The following TMEM132C variants were observed in gnomAD, a reference collection of about 807,000 sequenced individuals.
TMEM132C encodes the protein transmembrane protein 132C.
A neutral mutation model predicts 61.4 loss-of-function variants in TMEM132C; 29 were observed. That is an observed-to-expected ratio of 0.47 (90% CI 0.35 to 0.64). The LOEUF (loss-of-function observed/expected upper bound fraction) is 0.64, where lower values mean the gene tolerates loss of function less well. Ranked by LOEUF, TMEM132C falls within the 30% of genes least tolerant of loss-of-function variation. The pLI, the probability that TMEM132C is intolerant of heterozygous loss-of-function variation, is 0.00. For missense variants in TMEM132C, 1,408 were observed against 1,476.9 expected, an observed-to-expected ratio of 0.95 and a Z score of 0.76; for synonymous variants, 656 against 633.1, an observed-to-expected ratio of 1.04 and a Z score of -0.54.
Position 128,614,740 on chromosome 12 carries a change from T to A in TMEM132C, c.1122-1412T>A, listed in dbSNP as rs371833941. ...AGAATTCTTAGTTGCAGACAAAGAG[T>A]CCCTTTAGCTAAGTAGCCCCTCTGA... On this transcript the variant is annotated intron_variant, in intron 3 of 8. Transcript: ENST00000435159. Among the ~76,000 whole-genome samples the A allele has an allele frequency of 7.2e-5, 11 of 151,942 alleles. No homozygotes were observed. The East Asian group carries it at 2.1e-3, about 30-fold the overall frequency.
rs7965630 is a variant in TMEM132C at position 128,278,329 on chromosome 12, G to A, written c.85+10842G>A. 6.6e-6 allele frequency among the ~76,000 whole-genome samples: 1 copy of A among 151,996 alleles called. No individual in the cohort carries two copies. The highest frequency in any genetic ancestry group is 6.5e-5 in the Admixed American group (1 of 15,274). ...GTTACCATTTTCTTTATTTTCCACT[G>A]TTTAATTGTAAGCAATGAATTGACT... On this transcript the variant is annotated intron_variant, in intron 1 of 8. Coordinates refer to ENST00000435159, the MANE Select transcript of TMEM132C (RefSeq NM_001136103.3). This position sits in a 1 kb window ranked among gnomAD's most constrained non-coding sequence, Gnocchi z 4.2.
intron 3 of TMEM132C, among the ~76,000 whole-genome samples, chr12:128,576,006 G>A (rs1346256641): frequency 3.3e-5 from 5 of 152,172 alleles, no homozygotes; most frequent in African/African-American, 7.2e-5. Flanking sequence ...AAAGTGAATG[G>A]CACTTTGGGA....
rs143549970 is a variant in TMEM132C, at chr12:128,586,330, A to G, written c.1122-29822A>G. 6.9e-3 allele frequency among the ~76,000 whole-genome samples: 919 copies of G among 133,610 alleles called. 7 individuals carry two copies. The highest frequency in any genetic ancestry group is 0.027 in the African/African-American group (872 of 31,796). The allele number at this position is 133,610 out of a possible 152,430, so 87.7% of individuals were successfully genotyped here. On this transcript the variant is annotated intron_variant, in intron 3 of 8. Transcript: ENST00000435159. ...CATTATATATTATTATAAATACATA[A>G]TATATGCTTGTATGTGACTTATAGT...
chr12:128,514,243 G>A lies in TMEM132C; in HGVS notation c.975-29714G>A, dbSNP rs567874598. ...AGTGGATAGTTCAAAAGAACTCAAA[G>A]CAGTAAGCTTGGAGGGAAACATGTT... On this transcript the variant is annotated intron_variant, in intron 2 of 8. Transcript: ENST00000435159. Among the ~76,000 whole-genome samples the A allele has an allele frequency of 8.5e-5, 13 of 152,308 alleles. No homozygotes were observed. The South Asian group carries it at 2.7e-3, about 32-fold the overall frequency.
At chr12:128,559,113 ACAAACACACACACAGACACACACAG>A (rs1874425908) in intron 3 of TMEM132C, among the ~76,000 whole-genome samples, 4 of 151,596 alleles carry the variant, frequency 2.6e-5, no homozygotes, top group African/African-American at 9.7e-5. Flanking sequence ...ACACACACAC[ACAAACACACACACAGACACACACAG>A]ACACACACAC....
At position 128,427,387 on chromosome 12, in the gene TMEM132C, G is replaced by GGTGTGTGT. The variant is rs761620460; in HGVS notation, c.974+11802_974+11809dup. ...TCCTTTTAGTTTCTACTTCCAAAGG[G>GGTGTGTGT]GTGTGTGTGTGTGTGTGTGTGTGTG... is the stretch of plus-strand genomic sequence containing the variant. On this transcript the variant is annotated intron_variant, in intron 2 of 8. Transcript: ENST00000435159. Among the ~76,000 whole-genome samples, 441 of 132,328 alleles carry GGTGTGTGT rather than the reference G, an allele frequency of 3.3e-3. 3 individuals carry two copies. The highest frequency in any genetic ancestry group is 0.016 in the South Asian group (58 of 3,564). 86.8% of individuals were successfully genotyped at this position (132,328 alleles called of 152,430 possible). A position where few individuals can be genotyped will look rare whatever the true frequency, so the allele number is the denominator to read the frequency against.
chr12:128,688,810 T>C (rs559327731), intron 5 of TMEM132C, among the ~76,000 whole-genome samples: 1 of 152,118 alleles, frequency 6.6e-6, no homozygotes, highest in South Asian at 2.1e-4. Context: ...TTTAAAAAAA[T>C]TGGGTTTCTT....
At chr12:128,283,090 T>A (rs1870948476) in intron 1 of TMEM132C, among the ~76,000 whole-genome samples, 1 of 152,224 alleles carries the variant, frequency 6.6e-6, no homozygotes, top group African/African-American at 2.4e-5. Context: ...CTCATTAGAA[T>A]TTCAACATTT....
intron 2 of TMEM132C, among the ~76,000 whole-genome samples, chr12:128,511,564 G>T (rs1014695559): frequency 2.0e-5 from 3 of 152,204 alleles, no homozygotes; most frequent in Admixed American, 6.5e-5. Flanking sequence ...AGGGCTTCTG[G>T]GTGTCTTGCC....
chr12:128,349,405 A>G (rs1477665811), intron 1 of TMEM132C, among the ~76,000 whole-genome samples: 1 of 152,188 alleles, frequency 6.6e-6, no homozygotes, highest in Non-Finnish European at 1.5e-5. Flanking sequence ...GCATGCCACC[A>G]CTGAATCCTT....
At chr12:128,486,685 T>C (rs563938390) in intron 2 of TMEM132C, among the ~76,000 whole-genome samples, 1 of 152,268 alleles carries the variant, frequency 6.6e-6, no homozygotes, top group Admixed American at 6.5e-5. Context: ...CAAATTACCC[T>C]GTGGGAGGAG....
At chr12:128,416,123 C>T (rs1868774060) in intron 2 of TMEM132C, among the ~76,000 whole-genome samples, 1 of 152,142 alleles carries the variant, frequency 6.6e-6, no homozygotes, top group Admixed American at 6.5e-5. Flanking sequence ...GGCCTTACTG[C>T]ATGAGTACAG....
At chr12:128,452,651 C>T (rs1379068790) in intron 2 of TMEM132C, among the ~76,000 whole-genome samples, 2 of 151,610 alleles carry the variant, frequency 1.3e-5, no homozygotes, top group South Asian at 2.1e-4. Flanking sequence ...TTTCAGTGAG[C>T]TGAGATCACA....
chr12:128,399,667 A>G (rs1379639396), intron 1 of TMEM132C, among the ~76,000 whole-genome samples: 1 of 152,178 alleles, frequency 6.6e-6, no homozygotes, highest in Non-Finnish European at 1.5e-5. Flanking sequence ...TCTCCTATGC[A>G]TGAAACATGA....
In TMEM132C at chr12:128,415,734, G is replaced by T. The variant is rs138498257; in HGVS notation, c.974+114G>T. The T allele has an allele frequency of 0.034, 43,875 of 1,275,522 alleles. 994 individuals carry two copies. Among genetic ancestry groups the T allele is most frequent in the Non-Finnish European group, 0.041 (38,835 of 949,960 alleles). 79.0% of individuals were successfully genotyped at this position (1,275,522 alleles called of 1,614,324 possible). A position where few individuals can be genotyped will look rare whatever the true frequency, so the allele number is the denominator to read the frequency against. ...TCGATTTTCACTACCTTCAGGGACC[G>T]TTTGGCATTAACAGGGGAAGGCAAA... On this transcript the variant is annotated intron_variant, in intron 2 of 8. Transcript: ENST00000435159. This position sits in a 1 kb window ranked among gnomAD's most constrained non-coding sequence, Gnocchi z 5.8.
In TMEM132C at chr12:128,579,565, A is replaced by G. The variant is rs577699686; in HGVS notation, c.1121+35462A>G. 2.0e-5 allele frequency among the ~76,000 whole-genome samples: 3 copies of G among 152,330 alleles called. No individual in the cohort carries two copies. In the South Asian group the frequency reaches 6.2e-4, roughly 32 times the overall value. On this transcript the variant is annotated intron_variant, in intron 3 of 8. Transcript: ENST00000435159. Reference sequence around the variant, plus strand: ...AGCATCCCAATGCACATTACATAGTAGGAAAGGCACTGATAAGTCCTGCAG... The same window carrying G: ...AGCATCCCAATGCACATTACATAGTGGGAAAGGCACTGATAAGTCCTGCAG...
At position 128,337,103 on chromosome 12, in the gene TMEM132C, C is replaced by T. The variant is rs139629851; in HGVS notation, c.85+69616C>T. On this transcript the variant is annotated intron_variant, in intron 1 of 8. Transcript: ENST00000435159. ...AGAAATAAGCCACAGAGAAATTAGG[C>T]TTAAAGAGAGAGAACTGGAAGAGAT... is the stretch of plus-strand genomic sequence containing the variant. Among the ~76,000 whole-genome samples, 16 of 152,190 alleles carry T rather than the reference C, an allele frequency of 1.1e-4. No individual in the cohort carries two copies. The East Asian group carries it at 2.9e-3, about 28-fold the overall frequency.
At chr12:128,467,318 C>T (rs1446832497) in intron 2 of TMEM132C, among the ~76,000 whole-genome samples, 2 of 152,120 alleles carry the variant, frequency 1.3e-5, no homozygotes, top group African/African-American at 4.8e-5. Context: ...CTTCTCCATC[C>T]CAGCATGAAA....
chr12:128,480,655 G>T (rs1871289854), intron 2 of TMEM132C, among the ~76,000 whole-genome samples: 1 of 152,140 alleles, frequency 6.6e-6, no homozygotes, highest in Non-Finnish European at 1.5e-5. Context: ...CTGAATTTTG[G>T]GAATTCCCGA....
Sources: gnomAD v4.1 joint callset for allele counts (sites outside exome capture counted in the v4.1 genomes callset) on GRCh38, gnomAD v4.1.1 for gene constraint, Gnocchi (gnomAD v3.1) non-coding constraint, MANE v1.5 for transcripts, NCBI Gene and HGNC (gene_info 2026-07-23, HGNC 2026-07-21) for gene names.